Variants in TASP1 observed in about 807,000 individuals in gnomAD.
TASP1 encodes taspase 1, also known as threonine aspartase 1.
In TASP1, 16 loss-of-function variants were observed where a neutral mutation model predicts 56.6. The observed-to-expected ratio is 0.28, with a 90% CI of 0.19 to 0.43. The LOEUF (loss-of-function observed/expected upper bound fraction) is 0.43, where lower values mean the gene tolerates loss of function less well. TASP1 is among the 20% of genes least tolerant of loss of function. TASP1 has a pLI of 1.00. For synonymous variants in TASP1, 179 were observed against 184.2 expected (o/e 0.97, Z 0.23); for missense variants, 393 against 511.6 (o/e 0.77, Z 2.24).
chr20:13,536,370 C>A (rs1041789955), intron 8 of TASP1, among the ~76,000 whole-genome samples: 1 of 152,148 alleles, frequency 6.6e-6, no homozygotes, highest in Non-Finnish European at 1.5e-5. Context: ...TAACATTATG[C>A]CAGTATAAAA....
chr20:13,460,852 G>A (rs529982391), intron 11 of TASP1, among the ~76,000 whole-genome samples: 2 of 152,200 alleles, frequency 1.3e-5, no homozygotes, highest in Admixed American at 1.3e-4. Context: ...CTCCTATCTA[G>A]TCCGTCAGGT....
chr20:13,108,272 C>A, the TASP1 span, among the ~76,000 whole-genome samples: 3 of 152,218 alleles, frequency 2.0e-5, no homozygotes, highest in African/African-American at 7.2e-5. Context: ...AACACACACA[C>A]ACAAATATAT....
chr20:13,531,989 T>C (rs1454423747), intron 9 of TASP1, among the ~76,000 whole-genome samples: 3 of 152,274 alleles, frequency 2.0e-5, no homozygotes, highest in Admixed American at 2.0e-4. Flanking sequence ...TTAGTAGAGA[T>C]GGCGTGAGCC....
At chr20:13,313,127 G>A in the TASP1 span, among the ~76,000 whole-genome samples, 1 of 152,142 alleles carries the variant, frequency 6.6e-6, no homozygotes, top group East Asian at 1.9e-4. Context: ...CCGCATCCAG[G>A]TCTGCCCACA....
chr20:13,409,700 T>C (rs550257868), intron 13 of TASP1, among the ~76,000 whole-genome samples: 13 of 152,156 alleles, frequency 8.5e-5, no homozygotes, highest in Non-Finnish European at 1.6e-4. Context: ...ATCATTTTAT[T>C]GACACATAAT....
At chr20:13,545,434 C>A (rs1271596796) in intron 8 of TASP1, among the ~76,000 whole-genome samples, 1 of 152,084 alleles carries the variant, frequency 6.6e-6, no homozygotes, top group Non-Finnish European at 1.5e-5. Context: ...AAAATATTCC[C>A]CTCATTTGGT....
the TASP1 span, among the ~76,000 whole-genome samples, chr20:13,342,061 G>A: frequency 6.6e-6 from 1 of 152,196 alleles, no homozygotes; most frequent in Non-Finnish European, 1.5e-5. Context: ...GCCAGCCCAG[G>A]TATAGCAGGC....
intron 11 of TASP1, among the ~76,000 whole-genome samples, chr20:13,462,541 G>A (rs1358858740): frequency 6.6e-6 from 1 of 152,082 alleles, no homozygotes; most frequent in Non-Finnish European, 1.5e-5. Flanking sequence ...CCAAGTTCTT[G>A]CCCCACACCC....
the TASP1 span, among the ~76,000 whole-genome samples, chr20:13,200,490 G>C: frequency 6.6e-6 from 1 of 152,288 alleles, no homozygotes; most frequent in East Asian, 1.9e-4. Flanking sequence ...TTCTAGTGAA[G>C]TTTCTCTCTC....
the TASP1 span, among the ~76,000 whole-genome samples, chr20:13,225,149 G>A: frequency 0.012 from 1,877 of 151,996 alleles, 16 homozygotes; most frequent in Non-Finnish European, 0.016. Context: ...CACCGCGCCC[G>A]GCCCATACTA....
the TASP1 span, among the ~76,000 whole-genome samples, chr20:13,313,744 G>A: frequency 6.6e-6 from 1 of 152,072 alleles, no homozygotes; most frequent in Non-Finnish European, 1.5e-5. Flanking sequence ...ATAAGACATA[G>A]TAAAAGGCAA....
chr20:13,442,954 T>C (rs1212342087), intron 11 of TASP1, among the ~76,000 whole-genome samples: 1 of 152,178 alleles, frequency 6.6e-6, no homozygotes. Context: ...ATTTTTTAAA[T>C]TGCACTCTTC....
chr20:13,170,885 T>C, the TASP1 span, among the ~76,000 whole-genome samples: 1 of 152,144 alleles, frequency 6.6e-6, no homozygotes, highest in Non-Finnish European at 1.5e-5. Flanking sequence ...GAAGCATGCG[T>C]GGACTAAAGG....
chr20:13,514,778 C>T (rs1413097132), intron 10 of TASP1, among the ~76,000 whole-genome samples: 1 of 152,082 alleles, frequency 6.6e-6, no homozygotes, highest in Admixed American at 6.6e-5. Flanking sequence ...AATAAGTGTA[C>T]TTTTCATGAT....
intron 10 of TASP1, among the ~76,000 whole-genome samples, chr20:13,513,069 T>C (rs2044396298): frequency 6.6e-6 from 1 of 152,198 alleles, no homozygotes; most frequent in Middle Eastern, 3.2e-3. Flanking sequence ...GGCTTAGGAT[T>C]GTCTTGGCAA....
chr20:13,240,169 G>C, the TASP1 span, among the ~76,000 whole-genome samples: 1 of 152,276 alleles, frequency 6.6e-6, no homozygotes, highest in African/African-American at 2.4e-5. Context: ...CTTTCATATC[G>C]CGTGGCTGTG....
chr20:13,278,302 C>T, the TASP1 span, among the ~76,000 whole-genome samples: 1 of 152,200 alleles, frequency 6.6e-6, no homozygotes, highest in African/African-American at 2.4e-5. Context: ...CTAGCTTTGG[C>T]TCCAGGACTA....
chr20:13,396,908 A>C (rs6042068), intron 13 of TASP1, among the ~76,000 whole-genome samples: 19,397 of 152,230 alleles, frequency 0.13, 2,845 homozygotes, highest in African/African-American at 0.36. Context: ...ATCATGTCTA[A>C]GGAGCCTTAA....
the TASP1 span, among the ~76,000 whole-genome samples, chr20:13,319,493 A>C: frequency 6.6e-6 from 1 of 152,338 alleles, no homozygotes; most frequent in Non-Finnish European, 1.5e-5. Flanking sequence ...AGTCACTCGG[A>C]GAGTGAGAGA....
Sources: gnomAD v4.1 joint callset for allele counts (sites outside exome capture counted in the v4.1 genomes callset) on GRCh38, gnomAD v4.1.1 for gene constraint, MANE v1.5 for transcripts, NCBI Gene and HGNC (gene_info 2026-07-23, HGNC 2026-07-21) for gene names.